EPHA6: variants seen among roughly 807,000 people sequenced by gnomAD.
The protein encoded by EPHA6 is EPH receptor A6.
EPHA6 carries 50 observed loss-of-function variants against 112.0 expected under a neutral mutation model. The observed-to-expected ratio is 0.45, with a 90% CI of 0.36 to 0.56. The LOEUF (loss-of-function observed/expected upper bound fraction) is 0.56. Among genes scored for constraint, EPHA6 ranks in the 20% least tolerant of loss-of-function variants. The pLI, the probability that EPHA6 is intolerant of heterozygous loss-of-function variation, is 0.00. For synonymous variants in EPHA6, 529 were observed against 490.7 expected (o/e 1.08, Z -1.03); for missense variants, 1,280 against 1,417.4 (o/e 0.90, Z 1.56).
At chr3:97,530,250 T>C (rs886944811) in intron 10 of EPHA6, among the ~76,000 whole-genome samples, 4 of 152,004 alleles carry the variant, frequency 2.6e-5, no homozygotes, top group African/African-American at 4.8e-5. Context: ...AGGGTCTCAA[T>C]AGAAATATGT....
At chr3:97,295,220 C>T (rs1002675568) in intron 5 of EPHA6, among the ~76,000 whole-genome samples, 4 of 152,098 alleles carry the variant, frequency 2.6e-5, no homozygotes, top group East Asian at 1.9e-4. Context: ...TTTGGATATT[C>T]GTTTGTTTCA....
chr3:97,607,251 A>G (rs960816237), intron 12 of EPHA6, among the ~76,000 whole-genome samples: 13 of 150,506 alleles, frequency 8.6e-5, no homozygotes, highest in Admixed American at 8.0e-4. Context: ...TCTATGGAAC[A>G]TTTAAAGAAT....
In EPHA6 at chr3:97,750,470, C is replaced by A. The variant is rs2035872570; in HGVS notation, c.*1769C>A. Among the ~76,000 whole-genome samples the A allele has an allele frequency of 6.6e-6, 1 of 152,030 alleles. No individual in the cohort carries two copies. Among genetic ancestry groups the A allele is most frequent in the African/African-American group, 2.4e-5 (1 of 41,388 alleles). ...CTCCCGGGTTCAAGCGATTCTCCTG[C>A]CTCAGCCACCCGAGTAGCTGGGATT... On this transcript the variant is annotated 3_prime_UTR_variant, in exon 18 of 18. Transcript: ENST00000389672.
At chr3:97,249,046 T>TA (rs200772346) in intron 5 of EPHA6, among the ~76,000 whole-genome samples, 1,451 of 139,034 alleles carry the variant, frequency 0.01, 13 homozygotes, top group Non-Finnish European at 0.016. Flanking sequence ...CTATTCAAAG[T>TA]AAAAAAAAAA....
At chr3:97,420,857 A>G (rs974345093) in intron 6 of EPHA6, among the ~76,000 whole-genome samples, 3 of 150,606 alleles carry the variant, frequency 2.0e-5, no homozygotes, top group Non-Finnish European at 2.9e-5. Context: ...AAAAAAAAAA[A>G]ATAGGGCCAA....
intron 3 of EPHA6, among the ~76,000 whole-genome samples, chr3:97,156,628 A>G (rs1351645471): frequency 1.3e-5 from 2 of 152,172 alleles, no homozygotes; most frequent in East Asian, 1.9e-4. Context: ...ATTTGCTTCC[A>G]TATAGTTTTT....
intron 5 of EPHA6, among the ~76,000 whole-genome samples, chr3:97,287,381 C>A (rs555802442): frequency 6.6e-6 from 1 of 151,856 alleles, no homozygotes; most frequent in Non-Finnish European, 1.5e-5. Context: ...TTAACAATGG[C>A]GTGAACCTGG....
At chr3:97,261,119 T>C (rs1466670561) in intron 5 of EPHA6, among the ~76,000 whole-genome samples, 1 of 152,122 alleles carries the variant, frequency 6.6e-6, no homozygotes, top group Admixed American at 6.6e-5. Context: ...GAGGAAATAT[T>C]AGAAAATAGA....
At chr3:97,259,508 A>G (rs566340790) in intron 5 of EPHA6, among the ~76,000 whole-genome samples, 6 of 152,332 alleles carry the variant, frequency 3.9e-5, no homozygotes, top group East Asian at 3.9e-4. Flanking sequence ...TTTCAACAAT[A>G]TAATGTAAGC....
chr3:97,513,788 T>C (rs1321529061), intron 10 of EPHA6, among the ~76,000 whole-genome samples: 1 of 151,980 alleles, frequency 6.6e-6, no homozygotes, highest in African/African-American at 2.4e-5. Flanking sequence ...ACTTGATCAC[T>C]ACACTATATA....
chr3:97,306,102 GAA>G (rs993789526), intron 5 of EPHA6, among the ~76,000 whole-genome samples: 8 of 151,782 alleles, frequency 5.3e-5, no homozygotes, highest in African/African-American at 1.9e-4. Context: ...AAGGTTTTAA[GAA>G]TCAAGGAAAA....
chr3:97,561,342 A>G (rs2093188699), intron 11 of EPHA6, among the ~76,000 whole-genome samples: 1 of 152,060 alleles, frequency 6.6e-6, no homozygotes, highest in African/African-American at 2.4e-5. Flanking sequence ...CAAAGGGAGT[A>G]TTTTGAAGAA....
intron 1 of EPHA6, among the ~76,000 whole-genome samples, chr3:96,857,741 A>G (rs543468231): frequency 2.6e-5 from 4 of 151,538 alleles, no homozygotes; most frequent in East Asian, 1.9e-4. Context: ...CTAAACTACT[A>G]CAATCCAATT....
chr3:97,288,145 T>C (rs969899946), intron 5 of EPHA6, among the ~76,000 whole-genome samples: 1 of 152,146 alleles, frequency 6.6e-6, no homozygotes, highest in East Asian at 1.9e-4. Context: ...GGGTATACTG[T>C]GTGATGCTGA....
At position 96,869,438 on chromosome 3, in the gene EPHA6, G is replaced by A. The variant is rs371249958; in HGVS notation, c.450+2549G>A. On this transcript the variant is annotated intron_variant, in intron 2 of 17. Transcript: ENST00000389672. ...AAAAGGGAGAAGGCAACTTCTAGGC[G>A]AAAGGAGTGGCTTGAGCAAAGGCAC... Among the ~76,000 whole-genome samples, 7 of 151,524 alleles carry A rather than the reference G, an allele frequency of 4.6e-5. No individual in the cohort carries two copies. The East Asian group carries it at 5.9e-4, about 13-fold the overall frequency.
intron 3 of EPHA6, among the ~76,000 whole-genome samples, chr3:97,010,950 G>C (rs956712897): frequency 3.9e-5 from 6 of 152,268 alleles, no homozygotes; most frequent in African/African-American, 1.4e-4. Context: ...GAGATTGTTA[G>C]TAAAAAATGT....
At chr3:96,891,409 C>T (rs141108093) in intron 2 of EPHA6, among the ~76,000 whole-genome samples, 3 of 152,078 alleles carry the variant, frequency 2.0e-5, no homozygotes, top group East Asian at 1.9e-4. Context: ...TTTGAGGTCA[C>T]GATAAAGGTG....
At chr3:97,448,527 A>T in intron 6 of EPHA6, 41 bp from the exon 7 acceptor site, 1 of 1,600,996 alleles carries the variant, frequency 6.2e-7, no homozygotes, top group Non-Finnish European at 8.6e-7. Flanking sequence ...AGGTAGAATA[A>T]CTCTGTTTCA....
chr3:97,737,144 T>C (rs965788132), intron 16 of EPHA6, among the ~76,000 whole-genome samples: 1 of 152,108 alleles, frequency 6.6e-6, no homozygotes, highest in Admixed American at 6.6e-5. Flanking sequence ...CCGGCCCATC[T>C]TCCCTAAAGA....
Sources: gnomAD v4.1 joint callset for allele counts (sites outside exome capture counted in the v4.1 genomes callset) on GRCh38, gnomAD v4.1.1 for gene constraint, MANE v1.5 for transcripts, NCBI Gene and HGNC (gene_info 2026-07-23, HGNC 2026-07-21) for gene names.